The following DCC variants were observed in gnomAD, a reference collection of about 807,000 sequenced individuals.
The protein encoded by DCC is netrin receptor DCC.
A neutral mutation model predicts 172.5 loss-of-function variants in DCC; 58 were observed. The observed-to-expected ratio is 0.34, with a 90% CI of 0.27 to 0.42. The LOEUF (loss-of-function observed/expected upper bound fraction) is 0.42, where lower values mean the gene tolerates loss of function less well. DCC is among the 10% of genes least tolerant of loss of function. The pLI, the probability that DCC is intolerant of heterozygous loss-of-function variation, is 1.00. For missense variants in DCC, 1,740 were observed against 1,791.0 expected (o/e 0.97, Z 0.51); for synonymous variants, 709 against 644.5 (o/e 1.10, Z -1.52).
chr18:52,463,478 T>C (rs1179504288), intron 1 of DCC, among the ~76,000 whole-genome samples: 1 of 152,202 alleles, frequency 6.6e-6, no homozygotes, highest in Non-Finnish European at 1.5e-5. Context: ...AGTTAGAGAC[T>C]GTGCTAAGAA....
At chr18:52,723,860 C>T (rs988686884) in intron 1 of DCC, among the ~76,000 whole-genome samples, 3 of 152,092 alleles carry the variant, frequency 2.0e-5, no homozygotes, top group Non-Finnish European at 4.4e-5. Context: ...CTAAGCTGAC[C>T]CTCAGGCATC....
intron 16 of DCC, among the ~76,000 whole-genome samples, chr18:53,390,458 A>T (rs1175768011): frequency 2.0e-5 from 3 of 152,192 alleles, no homozygotes; most frequent in Non-Finnish European, 4.4e-5. Context: ...TGAAAAAAAT[A>T]AACCCTGTAT....
At chr18:53,236,775 G>T (rs2056208265) in intron 12 of DCC, among the ~76,000 whole-genome samples, 1 of 152,008 alleles carries the variant, frequency 6.6e-6, no homozygotes, top group Non-Finnish European at 1.5e-5. Flanking sequence ...AGGGGCCAAG[G>T]TTATTTATAT....
chr18:52,443,760 G>A lies in DCC; in HGVS notation c.91+102882G>A, dbSNP rs78622119. ...TTATAAAATATATGCTAACAAGTTA[G>A]GACTTTATTGTGTAGCTGCTAAGAT... On this transcript the variant is annotated intron_variant, in intron 1 of 28. Coordinates refer to ENST00000442544, the MANE Select transcript of DCC (RefSeq NM_005215.4). Among the ~76,000 whole-genome samples, 66 of 152,254 alleles carry A rather than the reference G, an allele frequency of 4.3e-4. 1 individual carries two copies. In the East Asian group the frequency reaches 9.2e-3, roughly 21 times the overall value.
In DCC at chr18:53,041,962, T is replaced by A. The variant is rs575409083; in HGVS notation, c.986-21343T>A. On this transcript the variant is annotated intron_variant, in intron 5 of 28. Transcript: ENST00000442544. ...CATGTCATCTGCAAACAGAGATAAT[T>A]TGACTCCTCTCTTCCTACTTATATA... 2.0e-5 allele frequency among the ~76,000 whole-genome samples: 3 copies of A among 152,192 alleles called. No homozygotes were observed. The South Asian group carries it at 6.2e-4, about 32-fold the overall frequency.
chr18:52,717,117 A>G (rs1432183245), intron 1 of DCC, among the ~76,000 whole-genome samples: 1 of 152,194 alleles, frequency 6.6e-6, no homozygotes, highest in East Asian at 1.9e-4. Flanking sequence ...CTGGGAACAG[A>G]AGTCCACTGA....
Position 53,298,426 on chromosome 18 carries a change from C to A in DCC, c.1912-7152C>A, listed in dbSNP as rs373826981. Reference sequence around the variant, plus strand: ...TATGTGGCTCCTGCCTGTAGTCCCACAGGAGGTGGAAGGATCACTTGAACC... The same window carrying A: ...TATGTGGCTCCTGCCTGTAGTCCCAAAGGAGGTGGAAGGATCACTTGAACC... On this transcript the variant is annotated intron_variant, in intron 12 of 28. Transcript: ENST00000442544. Among the ~76,000 whole-genome samples, 39 of 146,828 alleles carry A rather than the reference C, an allele frequency of 2.7e-4. No homozygotes were observed. In the East Asian group the frequency reaches 6.6e-3, roughly 25 times the overall value.
intron 5 of DCC, among the ~76,000 whole-genome samples, chr18:52,926,804 T>C (rs1255008881): frequency 1.4e-5 from 2 of 144,646 alleles, no homozygotes; most frequent in African/African-American, 2.5e-5. Flanking sequence ...CACACACATA[T>C]ACATATGTGT....
rs566239714 is a variant in DCC at position 53,106,837 on chromosome 18, A to G, written c.1261+40671A>G. Among the ~76,000 whole-genome samples the G allele has an allele frequency of 2.2e-3, 332 of 152,100 alleles. 4 individuals carry two copies. The highest frequency in any genetic ancestry group is 7.8e-3 in the African/African-American group (323 of 41,542). On this transcript the variant is annotated intron_variant, in intron 7 of 28. Coordinates refer to ENST00000442544, the MANE Select transcript of DCC (RefSeq NM_005215.4). ...TGTTTCAATATAAGGTAACAAAAGC[A>G]AAAAATCATGGGGTAGATGTGCTCT...
intron 2 of DCC, among the ~76,000 whole-genome samples, chr18:52,852,773 T>C (rs1167782049): frequency 1.3e-5 from 2 of 152,190 alleles, no homozygotes; most frequent in Non-Finnish European, 2.9e-5. Context: ...ATAACAGGCA[T>C]ATGAACATTC....
chr18:53,399,419 G>A (rs1266203713), intron 18 of DCC, among the ~76,000 whole-genome samples: 4 of 152,104 alleles, frequency 2.6e-5, no homozygotes, highest in Non-Finnish European at 5.9e-5. Context: ...ATGATATAGA[G>A]GAGAGCTTGT....
intron 12 of DCC, among the ~76,000 whole-genome samples, chr18:53,257,940 G>C (rs1479784354): frequency 6.6e-6 from 1 of 152,138 alleles, no homozygotes; most frequent in Admixed American, 6.5e-5. Context: ...TTAGTCTTGG[G>C]AGGGCGTATG....
At chr18:52,533,071 A>G (rs2032196597) in intron 1 of DCC, among the ~76,000 whole-genome samples, 1 of 152,122 alleles carries the variant, frequency 6.6e-6, no homozygotes, top group African/African-American at 2.4e-5. Context: ...TATTTGCTAG[A>G]AGTTTTTATT....
intron 8 of DCC, among the ~76,000 whole-genome samples, chr18:53,173,536 C>G (rs936454882): frequency 4.6e-5 from 7 of 152,108 alleles, no homozygotes; most frequent in African/African-American, 1.7e-4. Flanking sequence ...ATCCTACTCT[C>G]TGATAAAACA....
intron 1 of DCC, among the ~76,000 whole-genome samples, chr18:52,527,781 T>A (rs568768447): frequency 1.3e-3 from 202 of 152,316 alleles, no homozygotes; most frequent in African/African-American, 4.6e-3. Flanking sequence ...GTAAAAGTAT[T>A]TTCAAGAAGA....
intron 3 of DCC, among the ~76,000 whole-genome samples, chr18:52,911,340 A>G (rs1473252148): frequency 6.6e-6 from 1 of 152,070 alleles, no homozygotes; most frequent in East Asian, 1.9e-4. Flanking sequence ...ATAGATTATT[A>G]CTTTTATAGG....
At chr18:52,453,489 C>T (rs1052484794) in intron 1 of DCC, among the ~76,000 whole-genome samples, 7 of 152,066 alleles carry the variant, frequency 4.6e-5, no homozygotes, top group African/African-American at 1.7e-4. Context: ...TAGTGGCTAC[C>T]CATAAAAGGT....
chr18:53,520,017 C>T (rs1015592248), intron 27 of DCC, among the ~76,000 whole-genome samples: 6 of 152,066 alleles, frequency 3.9e-5, no homozygotes, highest in African/African-American at 1.4e-4. Flanking sequence ...CAAGGCAGTC[C>T]ATTATCAAGA....
At chr18:52,535,814 G>A (rs1398463496) in intron 1 of DCC, among the ~76,000 whole-genome samples, 2 of 152,056 alleles carry the variant, frequency 1.3e-5, no homozygotes, top group Admixed American at 6.6e-5. Context: ...TTAAGCAGTG[G>A]GAAAACATAG....
Sources: gnomAD v4.1 joint callset for allele counts (sites outside exome capture counted in the v4.1 genomes callset) on GRCh38, gnomAD v4.1.1 for gene constraint, MANE v1.5 for transcripts, NCBI Gene and HGNC (gene_info 2026-07-23, HGNC 2026-07-21) for gene names.